The following TPD52 variants were observed in gnomAD, a reference collection of about 807,000 sequenced individuals.
TPD52 encodes the protein prostate and colon associated protein.
TPD52 carries 17 observed loss-of-function variants against 31.3 expected under a neutral mutation model. The ratio of observed to expected loss-of-function variants is 0.54; its 90% confidence interval spans 0.37 to 0.82. TPD52 has a LOEUF of 0.82. Ranked by LOEUF, TPD52 falls within the 40% of genes least tolerant of loss-of-function variation. The pLI, the probability that TPD52 is intolerant of heterozygous loss-of-function variation, is 0.00. For synonymous variants in TPD52, 83 were observed against 89.6 expected, an observed-to-expected ratio of 0.93 and a Z score of 0.42; for missense variants, 212 against 240.1, an observed-to-expected ratio of 0.88 and a Z score of 0.77.
At chr8:80,166,768 T>A (rs1811744794) in intron 1 of TPD52, among the ~76,000 whole-genome samples, 1 of 151,750 alleles carries the variant, frequency 6.6e-6, no homozygotes, top group East Asian at 2.0e-4. Context: ...TAGCTGGGTG[T>A]CGTGGCATGC....
chr8:80,121,696 T>A (rs759658480), intron 1 of TPD52, among the ~76,000 whole-genome samples: 3 of 151,964 alleles, frequency 2.0e-5, no homozygotes, highest in Non-Finnish European at 4.4e-5. Flanking sequence ...TGGAATTAAT[T>A]CCAAAACAAT....
intron 2 of TPD52, among the ~76,000 whole-genome samples, chr8:80,058,592 G>C (rs1812156766): frequency 6.6e-6 from 1 of 152,208 alleles, no homozygotes; most frequent in South Asian, 2.1e-4. Context: ...GAGTTCAGGA[G>C]TTCAAGACCA....
intron 1 of TPD52, among the ~76,000 whole-genome samples, chr8:80,070,248 G>A (rs761409387): frequency 2.6e-5 from 4 of 151,976 alleles, no homozygotes; most frequent in Non-Finnish European, 2.9e-5. Flanking sequence ...CTTCCCTCTA[G>A]TTCTTCGTCT....
chr8:80,055,423 C>G (rs1019349614), intron 2 of TPD52, among the ~76,000 whole-genome samples: 2 of 152,138 alleles, frequency 1.3e-5, no homozygotes, highest in African/African-American at 2.4e-5. Context: ...CAAAGATCAA[C>G]TCAAAATGGA....
intron 5 of TPD52, among the ~76,000 whole-genome samples, chr8:80,045,868 C>T (rs560532158): frequency 6.6e-6 from 1 of 152,264 alleles, no homozygotes; most frequent in East Asian, 1.9e-4. Flanking sequence ...AATCAAAACT[C>T]TTCATTAGGA....
chr8:80,075,668 T>C (rs1814455705), intron 1 of TPD52, among the ~76,000 whole-genome samples: 2 of 152,232 alleles, frequency 1.3e-5, no homozygotes, highest in Non-Finnish European at 1.5e-5. Flanking sequence ...CAAAATTGAG[T>C]ATAAAACTAG....
chr8:80,134,798 A>G (rs997653089), intron 1 of TPD52, among the ~76,000 whole-genome samples: 1 of 152,226 alleles, frequency 6.6e-6, no homozygotes, highest in Admixed American at 6.5e-5. Context: ...ACTTGACCAC[A>G]GTCTCACGAG....
intron 1 of TPD52, among the ~76,000 whole-genome samples, chr8:80,159,428 A>C (rs1811205107): frequency 6.6e-6 from 1 of 152,110 alleles, no homozygotes; most frequent in Non-Finnish European, 1.5e-5. Flanking sequence ...TTTGAACAAC[A>C]CCTTTGCAAG....
chr8:80,170,376 A>T (rs1811999612), intron 1 of TPD52, among the ~76,000 whole-genome samples: 1 of 152,210 alleles, frequency 6.6e-6, no homozygotes, highest in Non-Finnish European at 1.5e-5. Context: ...AGATCCCGCC[A>T]CTGCACTCCA....
chr8:80,150,847 G>A (rs944156246), intron 1 of TPD52, among the ~76,000 whole-genome samples: 4 of 152,172 alleles, frequency 2.6e-5, no homozygotes, highest in African/African-American at 9.7e-5. Context: ...TGTCTCAGAT[G>A]AGACTTTAGA....
Position 80,086,997 on chromosome 8 carries a change from C to T in TPD52, c.20-22404G>A, listed in dbSNP as rs549146416. Among the ~76,000 whole-genome samples, 6 of 151,722 alleles carry T rather than the reference C, an allele frequency of 4.0e-5. No homozygotes were observed. In the South Asian group the frequency reaches 1.0e-3, roughly 26 times the overall value. On this transcript the variant is annotated intron_variant, in intron 1 of 7. Coordinates refer to ENST00000518937, the MANE Select transcript of TPD52 (RefSeq NM_001025253.3). ...ATACTGAAGTATTTAGGGGCAGACG[C>T]CATGATATATGCAACTTCCTCTCAA...
chr8:80,120,430 A>G (rs1223436476), intron 1 of TPD52, among the ~76,000 whole-genome samples: 1 of 152,156 alleles, frequency 6.6e-6, no homozygotes. Flanking sequence ...CAGAGGTTGC[A>G]GTGAGCTGCC....
intron 1 of TPD52, among the ~76,000 whole-genome samples, chr8:80,153,151 A>G (rs981442521): frequency 2.6e-5 from 4 of 152,222 alleles, no homozygotes; most frequent in African/African-American, 9.6e-5. Context: ...TTTCTCCACT[A>G]AGGTTATGTA....
At chr8:80,116,079 T>C (rs1181207317) in intron 1 of TPD52, among the ~76,000 whole-genome samples, 8 of 152,166 alleles carry the variant, frequency 5.3e-5, no homozygotes, top group Admixed American at 5.2e-4. Flanking sequence ...GAACATTATA[T>C]CCCTTTGACC....
chr8:80,032,528 A>AC (rs959635040), downstream of TPD52, among the ~76,000 whole-genome samples: 7 of 152,068 alleles, frequency 4.6e-5, no homozygotes, highest in African/African-American at 7.2e-5. Flanking sequence ...ACACAGTGAG[A>AC]CCCCCACCTC....
intron 1 of TPD52, among the ~76,000 whole-genome samples, chr8:80,114,738 C>T (rs2130996860): frequency 6.6e-6 from 1 of 152,330 alleles, no homozygotes; most frequent in Admixed American, 6.5e-5. Flanking sequence ...CCCTTTCTGG[C>T]TGCCTTGCCT....
intron 1 of TPD52, among the ~76,000 whole-genome samples, chr8:80,152,557 G>A (rs1431668675): frequency 2.0e-5 from 3 of 152,092 alleles, no homozygotes; most frequent in African/African-American, 7.2e-5. Context: ...AAGGCAGGTA[G>A]ATCACCTGAG....
downstream of TPD52, among the ~76,000 whole-genome samples, chr8:80,031,490 G>C (rs1809692083): frequency 6.6e-6 from 1 of 152,070 alleles, no homozygotes; most frequent in Middle Eastern, 3.2e-3. Flanking sequence ...TATTTTCTAC[G>C]GATAGTGCTA....
downstream of TPD52, among the ~76,000 whole-genome samples, chr8:80,032,152 CAA>C (rs150988844): frequency 6.2e-4 from 35 of 56,532 alleles, no homozygotes; most frequent in African/African-American, 9.3e-4. Context: ...GACTCCAGCT[CAA>C]AAAAAAAAAA....
Sources: gnomAD v4.1 joint callset for allele counts (sites outside exome capture counted in the v4.1 genomes callset) on GRCh38, gnomAD v4.1.1 for gene constraint, MANE v1.5 for transcripts, NCBI Gene and HGNC (gene_info 2026-07-23, HGNC 2026-07-21) for gene names.